LRRC72: variants seen among roughly 807,000 people sequenced by gnomAD.
LRRC72 encodes the protein leucine-rich repeat-containing protein 72.
A neutral mutation model predicts 35.8 loss-of-function variants in LRRC72; 41 were observed. That is an observed-to-expected ratio of 1.15 (90% CI 0.89 to 1.49). The LOEUF is 1.49. Ranked by LOEUF, LRRC72 falls within the 40% of genes most tolerant of loss-of-function variation. The pLI is 0.00. For missense variants in LRRC72, 389 were observed against 330.7 expected (o/e 1.18, Z -1.37); for synonymous variants, 118 against 119.2 (o/e 0.99, Z 0.07).
intron 1 of LRRC72, among the ~76,000 whole-genome samples, chr7:16,527,921 AT>A (rs1782099908): frequency 6.6e-6 from 1 of 152,146 alleles, no homozygotes; most frequent in Non-Finnish European, 1.5e-5. Context: ...ATCCTCAGGC[AT>A]CGGGTGGTGG....
chr7:16,580,765 A>G (rs1041605328), intron 8 of LRRC72, among the ~76,000 whole-genome samples: 5 of 152,198 alleles, frequency 3.3e-5, no homozygotes, highest in Admixed American at 1.3e-4. Flanking sequence ...GTAGATTAAC[A>G]TTTTATATTC....
At chr7:16,543,008 T>TA (rs1363340690) in intron 3 of LRRC72, among the ~76,000 whole-genome samples, 1 of 152,232 alleles carries the variant, frequency 6.6e-6, no homozygotes, top group Non-Finnish European at 1.5e-5. Flanking sequence ...GTAAAAAAGC[T>TA]AATGTGAGTT....
intron 1 of LRRC72, among the ~76,000 whole-genome samples, chr7:16,531,180 CAAA>C (rs1239439988): frequency 2.2e-4 from 26 of 117,570 alleles, no homozygotes; most frequent in African/African-American, 4.9e-4. Context: ...AAAACTCTCT[CAAA>C]AAAAAAAAAA....
intron 1 of LRRC72, among the ~76,000 whole-genome samples, chr7:16,528,387 G>C (rs1286838864): frequency 2.6e-5 from 4 of 151,808 alleles, no homozygotes; most frequent in Non-Finnish European, 5.9e-5. Context: ...TGGGCGCCTT[G>C]ACCAGTCTGT....
At chr7:16,527,830 T>C (rs1017777853) in intron 1 of LRRC72, among the ~76,000 whole-genome samples, 1 of 152,212 alleles carries the variant, frequency 6.6e-6, no homozygotes, top group African/African-American at 2.4e-5. Context: ...CATTTTCTTC[T>C]ATAGGTTTTA....
At chr7:16,576,673 C>T (rs1387630650) in intron 7 of LRRC72, among the ~76,000 whole-genome samples, 4 of 152,146 alleles carry the variant, frequency 2.6e-5, no homozygotes. Flanking sequence ...GATTTTTCAC[C>T]AATTACCTAT....
intron 2 of LRRC72, among the ~76,000 whole-genome samples, chr7:16,533,007 T>C (rs1206544249): frequency 3.3e-5 from 5 of 152,298 alleles, no homozygotes; most frequent in Middle Eastern, 3.4e-3. Context: ...TCCTGTATTT[T>C]ATCTGGCAAC....
At chr7:16,566,452 G>C in intron 6 of LRRC72, 50 bp downstream of exon 6, 3 of 1,259,734 alleles carry the variant, frequency 2.4e-6, no homozygotes, top group South Asian at 1.6e-5. Context: ...TAGTCTTATA[G>C]CTCAGCGGTT....
Position 16,526,848 on chromosome 7 carries a change from T to G in LRRC72, c.-105T>G. The G allele has an allele frequency of 2.3e-6, 2 of 883,184 alleles. No homozygotes were observed. Among genetic ancestry groups the G allele is most frequent in the Non-Finnish European group, 3.6e-6 (2 of 555,530 alleles). 54.7% of individuals were successfully genotyped at this position (883,184 alleles called of 1,614,324 possible). A position where few individuals can be genotyped will look rare whatever the true frequency, so the allele number is the denominator to read the frequency against. Reference sequence around the variant, plus strand: ...TTAGTCAACGGGAATGCGGTAACTGTTGGTAACAGAACAACGAGCTGTGCA... The same window carrying G: ...TTAGTCAACGGGAATGCGGTAACTGGTGGTAACAGAACAACGAGCTGTGCA... On this transcript the variant is annotated 5_prime_UTR_variant, in exon 1 of 9. Coordinates refer to ENST00000401542, the MANE Select transcript of LRRC72 (RefSeq NM_001195280.2).
intron 7 of LRRC72, among the ~76,000 whole-genome samples, chr7:16,569,208 A>G (rs1210359186): frequency 6.6e-6 from 1 of 152,086 alleles, no homozygotes; most frequent in Non-Finnish European, 1.5e-5. Flanking sequence ...CGGGCAGATC[A>G]CCTGAGGTCG....
At position 16,558,914 on chromosome 7, in the gene LRRC72, T is replaced by C. The variant is rs1314376865; in HGVS notation, c.342T>C (p.His114=). ...GTCTGCATTATTTGCCTTCATTGCA[T>C]ATACTCCTGCTACACCACAATGAGC... is the stretch of plus-strand genomic sequence containing the variant. ...IEGLHYLPSL[H]ILLLHHNELT... is the part of the protein sequence containing the mutation. The change falls in exon 5 of 9, where the codon CAT becomes CAC. Residue 114 remains histidine (H), a synonymous_variant. Transcript: ENST00000401542. 2.6e-6 allele frequency: 4 copies of C among 1,515,216 alleles called. No individual in the cohort carries two copies. The South Asian group carries it at 3.8e-5, about 14-fold the overall frequency. The allele number at this position is 1,515,216 out of a possible 1,614,324, so 93.9% of individuals were successfully genotyped here.
At chr7:16,561,589 A>G (rs958185687) in intron 5 of LRRC72, among the ~76,000 whole-genome samples, 2 of 152,196 alleles carry the variant, frequency 1.3e-5, no homozygotes, top group Non-Finnish European at 1.5e-5. Flanking sequence ...TACGACCACT[A>G]CTTAAAATCA....
At chr7:16,542,521 T>C (rs770579630) in intron 3 of LRRC72, among the ~76,000 whole-genome samples, 16 of 152,204 alleles carry the variant, frequency 1.1e-4, no homozygotes, top group Non-Finnish European at 1.9e-4. Flanking sequence ...CTTGGTTTTA[T>C]GCATTTTAGG....
chr7:16,537,401 G>A (rs973416462), intron 2 of LRRC72, among the ~76,000 whole-genome samples: 8 of 152,264 alleles, frequency 5.3e-5, no homozygotes, highest in African/African-American at 4.8e-5. Flanking sequence ...ATGTGATAAA[G>A]TGCTCCCTTT....
chr7:16,548,260 C>T (rs1782483321), intron 3 of LRRC72, among the ~76,000 whole-genome samples: 1 of 152,166 alleles, frequency 6.6e-6, no homozygotes, highest in Admixed American at 6.5e-5. Flanking sequence ...CTCATTCTTC[C>T]TGGATGTAGG....
chr7:16,531,180 C>CT (rs1256101165), intron 1 of LRRC72, among the ~76,000 whole-genome samples: 3 of 117,564 alleles, frequency 2.6e-5, no homozygotes, highest in African/African-American at 6.2e-5. Context: ...AAAACTCTCT[C>CT]AAAAAAAAAA....
In LRRC72 at chr7:16,567,374, C is replaced by T. The variant is rs776978003; in HGVS notation, c.518-17C>T. 5.6e-6 allele frequency: 8 copies of T among 1,426,020 alleles called. No individual in the cohort carries two copies. In the African/African-American group the frequency reaches 1.0e-4, roughly 18 times the overall value. 88.3% of individuals were successfully genotyped at this position (1,426,020 alleles called of 1,614,324 possible). A position where few individuals can be genotyped will look rare whatever the true frequency, so the allele number is the denominator to read the frequency against. On this transcript the variant is annotated splice_polypyrimidine_tract_variant and intron_variant, in intron 6 of 8. Coordinates refer to ENST00000401542, the MANE Select transcript of LRRC72 (RefSeq NM_001195280.2). ...TTTATAATGTTATGCAATAACATTA[C>T]TTTTTGCATTTATCAGAAGTTACAG... is the stretch of plus-strand genomic sequence containing the variant.
intron 3 of LRRC72, among the ~76,000 whole-genome samples, chr7:16,540,814 G>C (rs577347420): frequency 1.3e-5 from 2 of 152,266 alleles, no homozygotes; most frequent in East Asian, 1.9e-4. Context: ...CACCATGACT[G>C]TAAGCTTCCT....
intron 5 of LRRC72, among the ~76,000 whole-genome samples, chr7:16,559,706 G>A (rs1285996283): frequency 1.3e-5 from 2 of 151,906 alleles, no homozygotes; most frequent in Admixed American, 1.3e-4. Context: ...CAAGGAACTG[G>A]GAGTTGTGAC....
Sources: gnomAD v4.1 joint callset for allele counts (sites outside exome capture counted in the v4.1 genomes callset) on GRCh38, gnomAD v4.1.1 for gene constraint, MANE v1.5 for transcripts, NCBI Gene and HGNC (gene_info 2026-07-23, HGNC 2026-07-21) for gene names.